The following DHTKD1 variants were observed in gnomAD, a reference collection of about 807,000 sequenced individuals.
DHTKD1 encodes the protein dehydrogenase E1 and transketolase domain containing 1, also known as 2-oxoadipate dehydrogenase complex component E1.
In DHTKD1, 78 loss-of-function variants were observed where a neutral mutation model predicts 101.8. That is an observed-to-expected ratio of 0.77 (90% CI 0.64 to 0.93). The LOEUF is 0.93. Ranked by LOEUF, DHTKD1 falls within the 40% of genes least tolerant of loss-of-function variation. The pLI is 0.00. For synonymous variants in DHTKD1, 462 were observed against 450.3 expected (o/e 1.03, Z -0.33); for missense variants, 1,223 against 1,161.7 (o/e 1.05, Z -0.77).
At chr10:12,071,761 C>G (rs1332090823) in intron 1 of DHTKD1, among the ~76,000 whole-genome samples, 8 of 152,136 alleles carry the variant, frequency 5.3e-5, no homozygotes, top group Non-Finnish European at 1.2e-4. Context: ...CTCCTGTCCT[C>G]AGGTGAAATG....
rs1468530468 is a variant in DHTKD1 at position 12,118,779 on chromosome 10, A to G, written c.2433A>G (p.Lys811=). The change falls in exon 15 of 17, where the codon AAA becomes AAG. Residue 811 remains lysine (K), a synonymous_variant. Coordinates refer to ENST00000263035, the MANE Select transcript of DHTKD1 (RefSeq NM_018706.7). ...KVKTLVFCSG[K]HFYSLVKQRE... is the part of the protein sequence containing the mutation. The stretch of plus-strand genomic sequence containing the variant: ...AGACCCTCGTGTTCTGCTCCGGCAA[A>G]CATTTCTACTCCCTGGTGAAACAAA... 6.3e-7 allele frequency: 1 copy of G among 1,596,938 alleles called. No homozygotes were observed. Among genetic ancestry groups the G allele is most frequent in the Non-Finnish European group, 8.5e-7 (1 of 1,173,032 alleles).
At chr10:12,089,917 C>T (rs1046427332) in intron 5 of DHTKD1, among the ~76,000 whole-genome samples, 2 of 151,896 alleles carry the variant, frequency 1.3e-5, no homozygotes, top group Admixed American at 1.3e-4. Flanking sequence ...GTGATCCTCC[C>T]ACCTCAGCCT....
chr10:12,095,827 A>AAAG, intron 7 of DHTKD1, among the ~76,000 whole-genome samples: 1 of 138,414 alleles, frequency 7.2e-6, no homozygotes, highest in South Asian at 2.3e-4. Context: ...AAAAAAAAAA[A>AAAG]AAAAAAGAAA....
intron 8 of DHTKD1, among the ~76,000 whole-genome samples, chr10:12,099,677 G>C (rs1833126118): frequency 6.6e-6 from 1 of 151,888 alleles, no homozygotes; most frequent in Admixed American, 6.6e-5. Context: ...GACAGAGTGA[G>C]ACTGCCTCAG....
chr10:12,116,700 T>C (rs147466199), intron 13 of DHTKD1, among the ~76,000 whole-genome samples: 1 of 151,440 alleles, frequency 6.6e-6, no homozygotes, highest in African/African-American at 2.4e-5. Flanking sequence ...CTTTTTCTTT[T>C]CTTTTTTTTT....
chr10:12,117,772 T>G lies in DHTKD1; in HGVS notation c.2402+17T>G. On this transcript the variant is annotated intron_variant, in intron 14 of 16. Coordinates refer to ENST00000263035, the MANE Select transcript of DHTKD1 (RefSeq NM_018706.7). Reference sequence around the variant, plus strand: ...TCCAAAAAAGTAAGATATGTATCTCTGTTTTCATATTCTGTGGCAGAATTT... The same window carrying G: ...TCCAAAAAAGTAAGATATGTATCTCGGTTTTCATATTCTGTGGCAGAATTT... 2 of 1,449,158 alleles carry G rather than the reference T, an allele frequency of 1.4e-6. No individual in the cohort carries two copies. The highest frequency in any genetic ancestry group is 1.9e-6 in the Non-Finnish European group (2 of 1,041,376). 89.8% of individuals were successfully genotyped at this position (1,449,158 alleles called of 1,614,324 possible).
At position 12,086,779 on chromosome 10, in the gene DHTKD1, C is replaced by T. The variant is rs1327717594; in HGVS notation, c.523-756C>T. ...GATCTCGGCTCACTGCAACCTCCGC[C>T]TCCTGGACTCAAGCAATTCTCCTGC... On this transcript the variant is annotated intron_variant, in intron 3 of 16. Transcript: ENST00000263035. 2.0e-5 allele frequency among the ~76,000 whole-genome samples: 3 copies of T among 152,122 alleles called. No individual in the cohort carries two copies. In the East Asian group the frequency reaches 5.8e-4, roughly 29 times the overall value.
Position 12,087,426 on chromosome 10 carries a change from G to A in DHTKD1, c.523-109G>A. On this transcript the variant is annotated intron_variant, in intron 3 of 16. Transcript: ENST00000263035. This position sits in a 1 kb window ranked among gnomAD's most constrained non-coding sequence, Gnocchi z 5.2. ...TATGTAGTAAAGTGGCATTGCTGTG[G>A]CCACTTGGGGAGTGTGGGGCCATCT... 1.2e-6 allele frequency: 1 copy of A among 863,342 alleles called. No homozygotes were observed. The highest frequency in any genetic ancestry group is 1.8e-6 in the Non-Finnish European group (1 of 558,140). 53.5% of individuals were successfully genotyped at this position (863,342 alleles called of 1,614,324 possible).
intron 6 of DHTKD1, 60 bp downstream of exon 6, chr10:12,091,744 C>A: frequency 6.9e-7 from 1 of 1,442,424 alleles, no homozygotes; most frequent in Non-Finnish European, 9.7e-7. Context: ...CTAGGGAAAC[C>A]TCTGGTGCAC....
chr10:12,106,741 G>C (rs917371539), intron 11 of DHTKD1, among the ~76,000 whole-genome samples: 10 of 152,156 alleles, frequency 6.6e-5, no homozygotes, highest in Non-Finnish European at 1.5e-4. Context: ...AAACGTCTAA[G>C]TCTTCTCCCC....
chr10:12,113,113 A>G (rs772477388), intron 13 of DHTKD1, 49 bp downstream of exon 13: 2 of 1,474,844 alleles, frequency 1.4e-6, no homozygotes, highest in South Asian at 1.3e-5. Context: ...CATTTTTTGC[A>G]CTCCATTTTT....
At position 12,107,865 on chromosome 10, in the gene DHTKD1, C is replaced by T. The variant is rs762083542; in HGVS notation, c.2048-44C>T. 9 of 1,362,510 alleles carry T rather than the reference C, an allele frequency of 6.6e-6. No homozygotes were observed. Among genetic ancestry groups the T allele is most frequent in the African/African-American group, 5.7e-5 (4 of 69,780 alleles). The allele number at this position is 1,362,510 out of a possible 1,614,324, so 84.4% of individuals were successfully genotyped here. ...GCTGAGTCGTGTCAGGCCACTTTGT[C>T]CCCGCTTCGTAGAGCTCTTACTCCC... On this transcript the variant is annotated intron_variant, in intron 11 of 16. Transcript: ENST00000263035. The surrounding 1 kb of genome is among the most constrained non-coding windows in gnomAD (Gnocchi z 4.1).
intron 3 of DHTKD1, among the ~76,000 whole-genome samples, chr10:12,086,880 G>A (rs1313500379): frequency 1.3e-5 from 2 of 151,982 alleles, no homozygotes; most frequent in Admixed American, 6.6e-5. Context: ...CAGTAGAGAC[G>A]GGGTTTCACC....
At chr10:12,098,431 A>C (rs1333165108) in intron 8 of DHTKD1, among the ~76,000 whole-genome samples, 5 of 152,194 alleles carry the variant, frequency 3.3e-5, no homozygotes, top group East Asian at 1.9e-4. Context: ...TAGGATGACA[A>C]ACCACCCTGG....
At position 12,097,797 on chromosome 10, in the gene DHTKD1, A is replaced by T. The variant is rs1440698771; in HGVS notation, c.1472A>T (p.His491Leu). The T allele has an allele frequency of 6.2e-7, 1 of 1,614,104 alleles. No homozygotes were observed. The highest frequency in any genetic ancestry group is 8.5e-7 in the Non-Finnish European group (1 of 1,180,052). ...TCCTACTATGCCAAGTTGAATGATCACTTAAATAACATGGCCCACTACAGG... is the reference window on the plus strand; with the variant it reads ...TCCTACTATGCCAAGTTGAATGATCTCTTAAATAACATGGCCCACTACAGG... ...KSSYYAKLNDHLNNMAHYRPP... is the reference protein window; with the variant it reads ...KSSYYAKLNDLLNNMAHYRPP... Residue 491 changes from histidine to leucine, a missense_variant, in exon 8 of 17, where the codon CAC (histidine) becomes CTC (leucine). Transcript: ENST00000263035.
At position 12,120,420 on chromosome 10, in the gene DHTKD1, GC is replaced by G. The variant is rs554726027; in HGVS notation, c.2658+159del. On this transcript the variant is annotated intron_variant, in intron 16 of 16. Coordinates refer to ENST00000263035, the MANE Select transcript of DHTKD1 (RefSeq NM_018706.7). ...GCAATCTCAGCTCACTGCAAGCTCC[GC>G]CCCCCGGGTTCACGCCATTCTCCTG... 1.9e-3 allele frequency: 1,185 copies of G among 610,926 alleles called. 5 individuals are homozygous for G. The highest frequency in any genetic ancestry group is 2.8e-3 in the Admixed American group (93 of 33,260). The allele number at this position is 610,926 out of a possible 1,614,324, so 37.8% of individuals were successfully genotyped here. A position where few individuals can be genotyped will look rare whatever the true frequency, so the allele number is the denominator to read the frequency against.
At position 12,090,389 on chromosome 10, in the gene DHTKD1, T is replaced by TTTCCTTCCTTCCTTCC. The variant is rs1244186979; in HGVS notation, c.988-1121_988-1106dup. 3.8e-3 allele frequency among the ~76,000 whole-genome samples: 401 copies of TTTCCTTCCTTCCTTCC among 105,794 alleles called. 14 individuals are homozygous for TTTCCTTCCTTCCTTCC. The highest frequency in any genetic ancestry group is 7.9e-3 in the African/African-American group (226 of 28,526). The allele number at this position is 105,794 out of a possible 152,430, so 69.4% of individuals were successfully genotyped here. A position where few individuals can be genotyped will look rare whatever the true frequency, so the allele number is the denominator to read the frequency against. ...CCTCCCTTCCTTCCTTCCTTCCTTT[T>TTTCCTTCCTTCCTTCC]TTCCTTCCTTCCTTCCTTTTTTCCT... On this transcript the variant is annotated intron_variant, in intron 5 of 16. Transcript: ENST00000263035.
intron 1 of DHTKD1, among the ~76,000 whole-genome samples, chr10:12,071,577 C>T (rs1399184576): frequency 6.6e-6 from 1 of 151,742 alleles, no homozygotes; most frequent in Non-Finnish European, 1.5e-5. Flanking sequence ...CAAAACTAGC[C>T]TGGCCAACAT....
chr10:12,102,422 CAAA>C (rs752816882), intron 10 of DHTKD1, among the ~76,000 whole-genome samples: 2 of 64,818 alleles, frequency 3.1e-5, no homozygotes, highest in Admixed American at 1.7e-4. Context: ...GACTCTGTCT[CAAA>C]AAAAAAAAAA....
Sources: allele counts gnomAD v4.1 joint callset (sites outside exome capture counted in the v4.1 genomes callset), GRCh38; gene constraint gnomAD v4.1.1; non-coding constraint Gnocchi (gnomAD v3.1); transcripts MANE v1.5; gene names NCBI Gene and HGNC (gene_info 2026-07-23, HGNC 2026-07-21).